Variants in LMO7 observed in about 807,000 individuals in gnomAD.
LMO7 encodes LIM domain 7, also known as LIM domain only protein 7.
In LMO7, 120 loss-of-function variants were observed where a neutral mutation model predicts 206.5. The observed-to-expected ratio is 0.58, with a 90% CI of 0.50 to 0.68. LMO7 has a LOEUF of 0.68. LMO7 is among the 30% of genes least tolerant of loss of function. The probability of loss-of-function intolerance (pLI) is 0.00; values close to 1 mark genes in which losing one functional copy is unlikely to be tolerated. For synonymous variants in LMO7, 706 were observed against 681.5 expected (o/e 1.04, Z -0.56); for missense variants, 1,959 against 1,957.9 (o/e 1.00, Z -0.01).
In LMO7 at chr13:75,800,718, G is replaced by T. The variant is rs1405626710; in HGVS notation, c.497G>T (p.Gly166Val). The T allele has an allele frequency of 4.3e-6, 7 of 1,613,964 alleles. No homozygotes were observed. The change falls in exon 7 of 31, where the codon GGC (glycine) becomes GTC (valine). Residue 166 changes from glycine (G) to valine (V), a missense_variant. Coordinates refer to ENST00000377534, the MANE Select transcript of LMO7 (RefSeq NM_001306080.2). ...LEDSSFLKRS[G>V]RDSGYGDIWC... is the part of the protein sequence containing the mutation. ...GACTCCAGCTTCCTGAAAAGAAGTG[G>T]CAGGGACAGTGGCTACGGTGACATC...
At chr13:75,773,149 A>G (rs540683275) in intron 4 of LMO7, among the ~76,000 whole-genome samples, 1 of 152,246 alleles carries the variant, frequency 6.6e-6, no homozygotes, top group East Asian at 1.9e-4. Context: ...AACATTTCAC[A>G]GAGTCTTCTG....
intron 3 of LMO7, among the ~76,000 whole-genome samples, chr13:75,751,133 A>G (rs895161734): frequency 7.1e-6 from 1 of 140,342 alleles, no homozygotes; most frequent in Non-Finnish European, 1.5e-5. Context: ...TCATGTACTC[A>G]GCTCTTTTTT....
At chr13:75,643,952 T>C (rs1370888610) in intron 1 of LMO7, among the ~76,000 whole-genome samples, 3 of 152,180 alleles carry the variant, frequency 2.0e-5, no homozygotes, top group Non-Finnish European at 2.9e-5. Flanking sequence ...CTGTCTGTCT[T>C]CAAGCATAAT....
chr13:75,849,005 A>T, intron 26 of LMO7, 74 bp from the exon 27 acceptor site: 2 of 826,490 alleles, frequency 2.4e-6, no homozygotes, highest in Non-Finnish European at 2.0e-6. Context: ...TTCCCTGATC[A>T]CTAGTGATGT....
intron 1 of LMO7, among the ~76,000 whole-genome samples, chr13:75,645,316 ATC>A (rs1392047942): frequency 1.3e-5 from 2 of 152,152 alleles, no homozygotes; most frequent in Admixed American, 1.3e-4. Flanking sequence ...TTGAAATTTG[ATC>A]TAGATGTGTG....
intron 1 of LMO7, among the ~76,000 whole-genome samples, chr13:75,711,273 G>A (rs1198134405): frequency 6.6e-6 from 1 of 152,106 alleles, no homozygotes; most frequent in Non-Finnish European, 1.5e-5. Context: ...TTTTGGTTGT[G>A]TCTCTGCCAG....
intron 3 of LMO7, among the ~76,000 whole-genome samples, chr13:75,739,945 G>A (rs931547472): frequency 2.0e-5 from 3 of 152,144 alleles, no homozygotes; most frequent in Non-Finnish European, 2.9e-5. Context: ...TCAAGACAGA[G>A]TACTTTTTTG....
chr13:75,733,861 A>T (rs1375619961), intron 3 of LMO7, among the ~76,000 whole-genome samples: 1 of 152,054 alleles, frequency 6.6e-6, no homozygotes, highest in Non-Finnish European at 1.5e-5. Context: ...TATTTCTTCC[A>T]CAAATTGCAT....
chr13:75,838,265 T>G, intron 20 of LMO7, 69 bp downstream of exon 20: 1 of 1,514,026 alleles, frequency 6.6e-7, no homozygotes, highest in Non-Finnish European at 9.2e-7. Flanking sequence ...TTCCTCATGG[T>G]CTGTGGTGCT....
chr13:75,847,939 C>A (rs573274881), intron 26 of LMO7, among the ~76,000 whole-genome samples: 1 of 151,346 alleles, frequency 6.6e-6, no homozygotes, highest in Non-Finnish European at 1.5e-5. Context: ...AGCTGCACTG[C>A]CATGGGCGAT....
At chr13:75,811,245 A>G (rs1252078940) in intron 11 of LMO7, among the ~76,000 whole-genome samples, 1 of 102,392 alleles carries the variant, frequency 9.8e-6, no homozygotes, top group Non-Finnish European at 1.9e-5. Flanking sequence ...GAGTCTTGCT[A>G]TGTTGCCCAG....
At chr13:75,838,852 C>T (rs1055472104) in intron 20 of LMO7, among the ~76,000 whole-genome samples, 1 of 152,132 alleles carries the variant, frequency 6.6e-6, no homozygotes, top group African/African-American at 2.4e-5. Flanking sequence ...TCACGTTTGC[C>T]TAATGCTCTG....
chr13:75,717,088 G>A (rs1347299429), intron 2 of LMO7, among the ~76,000 whole-genome samples: 1 of 151,932 alleles, frequency 6.6e-6, no homozygotes, highest in Non-Finnish European at 1.5e-5. Flanking sequence ...TCTCGGCCGG[G>A]CGCGGTGGCT....
chr13:75,789,488 G>A (rs1320590660), intron 4 of LMO7, among the ~76,000 whole-genome samples: 1 of 152,152 alleles, frequency 6.6e-6, no homozygotes, highest in Non-Finnish European at 1.5e-5. Flanking sequence ...TTACTCCCAC[G>A]TGGGGAAAAA....
intron 15 of LMO7, among the ~76,000 whole-genome samples, chr13:75,829,343 A>G (rs1235919791): frequency 6.6e-6 from 1 of 152,132 alleles, no homozygotes; most frequent in Admixed American, 6.6e-5. Context: ...TGTATTTGGT[A>G]GGTAGAAGAT....
rs2057565923 is a variant in LMO7 at position 75,821,492 on chromosome 13, A to G, written c.2523A>G (p.Ser841=). 5 of 1,614,132 alleles carry G rather than the reference A, an allele frequency of 3.1e-6. No homozygotes were observed. In the East Asian group the frequency reaches 1.1e-4, roughly 36 times the overall value. Reference sequence around the variant, plus strand: ...CACAAATGGAATCAACTCGTGTTTCAGCTTCTCTCCCCAGAAGTTACCGGA... The same window carrying G: ...CACAAATGGAATCAACTCGTGTTTCGGCTTCTCTCCCCAGAAGTTACCGGA... ...RSTQMESTRV[S]ASLPRSYRKT... The change falls in exon 14 of 31, where the codon TCA becomes TCG. Residue 841 remains serine (S), a synonymous_variant. Transcript: ENST00000377534.
chr13:75,665,444 T>G (rs957970235), intron 1 of LMO7, among the ~76,000 whole-genome samples: 3 of 152,186 alleles, frequency 2.0e-5, no homozygotes, highest in Admixed American at 2.0e-4. Context: ...TTTTGTATTC[T>G]TGTAAATTAT....
chr13:75,710,189 T>G (rs1594428883), intron 1 of LMO7, among the ~76,000 whole-genome samples: 1 of 151,348 alleles, frequency 6.6e-6, no homozygotes, highest in African/African-American at 2.4e-5. Context: ...CCATGCTGTT[T>G]TGGTTACTAT....
intron 1 of LMO7, among the ~76,000 whole-genome samples, chr13:75,686,944 A>G (rs2041059192): frequency 6.6e-6 from 1 of 152,078 alleles, no homozygotes; most frequent in Non-Finnish European, 1.5e-5. Context: ...GGTCTCTTCT[A>G]AGGGCACAAA....
Sources: gnomAD v4.1 joint callset for allele counts (sites outside exome capture counted in the v4.1 genomes callset) on GRCh38, gnomAD v4.1.1 for gene constraint, MANE v1.5 for transcripts, NCBI Gene and HGNC (gene_info 2026-07-23, HGNC 2026-07-21) for gene names.